COL24A1: variants seen among roughly 807,000 people sequenced by gnomAD.
COL24A1 encodes the protein collagen type XXIV alpha 1 chain, also known as collagen alpha-1(XXIV) chain.
COL24A1 carries 224 observed loss-of-function variants against 253.9 expected under a neutral mutation model. That is an observed-to-expected ratio of 0.88 (90% CI 0.79 to 0.99). The LOEUF (loss-of-function observed/expected upper bound fraction) is 0.99, where lower values mean the gene tolerates loss of function less well. Among genes scored for constraint, COL24A1 ranks in the 50% least tolerant of loss-of-function variants. The probability of loss-of-function intolerance (pLI) is 0.00; values close to 1 mark genes in which losing one functional copy is unlikely to be tolerated. For missense variants in COL24A1, 2,131 were observed against 2,068.5 expected (o/e 1.03, Z -0.59); for synonymous variants, 685 against 673.7 (o/e 1.02, Z -0.26).
chr1:85,861,501 T>G lies in COL24A1; in HGVS notation c.3300+7018A>C, dbSNP rs1337923071. Among the ~76,000 whole-genome samples, 5 of 152,230 alleles carry G rather than the reference T, an allele frequency of 3.3e-5. No individual in the cohort carries two copies. The South Asian group carries it at 1.0e-3, about 32-fold the overall frequency. On this transcript the variant is annotated intron_variant, in intron 37 of 59. Transcript: ENST00000370571. The stretch of plus-strand genomic sequence containing the variant: ...TTAGAAGACGTACTCCCATGTTTTC[T>G]TCTAAGACTTTTACAGTTTTAGCTC...
At chr1:86,112,718 C>G in intron 4 of COL24A1, 98 bp from the exon 5 acceptor site, 2 of 1,138,106 alleles carry the variant, frequency 1.8e-6, no homozygotes, top group Non-Finnish European at 2.5e-6. Flanking sequence ...TCCCTTTAAG[C>G]ACTTGAGTTT....
At chr1:86,006,665 G>A (rs521253) in intron 19 of COL24A1, among the ~76,000 whole-genome samples, 27,620 of 151,948 alleles carry the variant, frequency 0.18, 3,190 homozygotes, top group African/African-American at 0.32. Flanking sequence ...TAAAACTTCT[G>A]CCCTGCAGAA....
At chr1:85,864,221 TA>T (rs895786769) in intron 37 of COL24A1, among the ~76,000 whole-genome samples, 55 of 152,142 alleles carry the variant, frequency 3.6e-4, no homozygotes, top group African/African-American at 1.2e-3. Flanking sequence ...TATGCAGCCA[TA>T]AAAAAGGATG....
At chr1:85,790,136 T>G (rs1570626195) in intron 47 of COL24A1, among the ~76,000 whole-genome samples, 1 of 152,274 alleles carries the variant, frequency 6.6e-6, no homozygotes, top group Non-Finnish European at 1.5e-5. Context: ...TACCAGCCCC[T>G]CTTGGTATAC....
intron 1 of COL24A1, among the ~76,000 whole-genome samples, chr1:86,152,964 T>C (rs1229696291): frequency 6.6e-6 from 1 of 152,114 alleles, no homozygotes; most frequent in Non-Finnish European, 1.5e-5. Flanking sequence ...TTAAACATGG[T>C]TTAAAGGCCT....
At chr1:86,002,649 C>T (rs964294710) in intron 19 of COL24A1, among the ~76,000 whole-genome samples, 1 of 152,002 alleles carries the variant, frequency 6.6e-6, no homozygotes, top group African/African-American at 2.4e-5. Context: ...GCTGATTGAA[C>T]AAGATGAGCA....
At position 86,116,166 on chromosome 1, in the gene COL24A1, C is replaced by A. The variant is rs181415498; in HGVS notation, c.1492-788G>T. On this transcript the variant is annotated intron_variant, in intron 3 of 59. Transcript: ENST00000370571. ...ATATTCATTCATTCATCTGTTCATT[C>A]ATTCAATTGTTACTGAGCACTCTGT... Among the ~76,000 whole-genome samples the A allele has an allele frequency of 5.3e-5, 8 of 152,190 alleles. No individual in the cohort carries two copies. In the East Asian group the frequency reaches 1.5e-3, roughly 29 times the overall value.
intron 24 of COL24A1, among the ~76,000 whole-genome samples, chr1:85,955,382 A>T (rs1690337644): frequency 6.6e-6 from 1 of 152,360 alleles, no homozygotes; most frequent in African/African-American, 2.4e-5. Flanking sequence ...CCAGGGCAAG[A>T]ACCCGGGATA....
chr1:85,959,166 T>C (rs190630915), intron 24 of COL24A1, among the ~76,000 whole-genome samples: 28 of 152,288 alleles, frequency 1.8e-4, no homozygotes, highest in South Asian at 2.1e-4. Flanking sequence ...TTAGATGAAC[T>C]ATATTTCTAA....
intron 7 of COL24A1, among the ~76,000 whole-genome samples, chr1:86,084,462 A>G (rs1441543321): frequency 6.6e-6 from 1 of 152,148 alleles, no homozygotes; most frequent in East Asian, 1.9e-4. Context: ...GTTAGTCCCA[A>G]ATTTCTCACA....
intron 5 of COL24A1, among the ~76,000 whole-genome samples, chr1:86,108,155 A>T (rs1050809165): frequency 6.6e-6 from 1 of 152,188 alleles, no homozygotes; most frequent in Non-Finnish European, 1.5e-5. Flanking sequence ...AACAGTATTT[A>T]AAAACACTGT....
intron 12 of COL24A1, among the ~76,000 whole-genome samples, chr1:86,040,813 A>G (rs1442836400): frequency 6.6e-6 from 1 of 152,112 alleles, no homozygotes; most frequent in African/African-American, 2.4e-5. Context: ...CTTTTTCATA[A>G]TGTTCTAGCT....
At position 85,827,836 on chromosome 1, in the gene COL24A1, T is replaced by C. The variant is rs369842438; in HGVS notation, c.3682-4098A>G. Among the ~76,000 whole-genome samples the C allele has an allele frequency of 1.4e-4, 21 of 151,986 alleles. 1 individual carries two copies. Among genetic ancestry groups the C allele is most frequent in the East Asian group, 9.6e-4 (5 of 5,188 alleles). On this transcript the variant is annotated intron_variant, in intron 43 of 59. Coordinates refer to ENST00000370571, the MANE Select transcript of COL24A1 (RefSeq NM_152890.7). ...CTCTTTTCTTTATTAGTCTTGCTAGTGGTCTATCAATTTTGTTGATCCTTT... is the reference window on the plus strand; with the variant it reads ...CTCTTTTCTTTATTAGTCTTGCTAGCGGTCTATCAATTTTGTTGATCCTTT...
chr1:85,905,680 T>C (rs1358165331), intron 28 of COL24A1, among the ~76,000 whole-genome samples: 1 of 151,828 alleles, frequency 6.6e-6, no homozygotes, highest in Non-Finnish European at 1.5e-5. Flanking sequence ...CTTGGGGAGG[T>C]AGGAATTGAT....
intron 12 of COL24A1, among the ~76,000 whole-genome samples, chr1:86,042,004 AT>A: frequency 6.6e-6 from 1 of 152,234 alleles, no homozygotes; most frequent in Middle Eastern, 3.4e-3. Context: ...TCTAATATTA[AT>A]TAATAATAAG....
At chr1:86,013,241 A>G (rs1225985161) in intron 19 of COL24A1, among the ~76,000 whole-genome samples, 1 of 152,204 alleles carries the variant, frequency 6.6e-6, no homozygotes, top group Non-Finnish European at 1.5e-5. Flanking sequence ...AAGCTATCAT[A>G]GAAGTATATA....
chr1:86,125,340 A>T lies in COL24A1; in HGVS notation c.996T>A (p.Ile332=). 6.2e-7 allele frequency: 1 copy of T among 1,613,682 alleles called. No homozygotes were observed. Among genetic ancestry groups the T allele is most frequent in the Non-Finnish European group, 8.5e-7 (1 of 1,179,814 alleles). ...VSAVDLTNHG[I]QAKEMITEED... ...CCTCAGTGATCATTTCTTTGGCCTG[A>T]ATCCCATGGTTTGTGAGATCCACAG... Residue 332 remains isoleucine (I), a synonymous_variant, in exon 3 of 60, where the codon ATT becomes ATA. Transcript: ENST00000370571.
chr1:86,137,266 A>C (rs897726262), intron 2 of COL24A1, among the ~76,000 whole-genome samples: 1 of 152,138 alleles, frequency 6.6e-6, no homozygotes, highest in African/African-American at 2.4e-5. Flanking sequence ...ACCCAGCACT[A>C]TATTAGGTGC....
At chr1:85,893,325 A>G (rs749821706) in intron 31 of COL24A1, among the ~76,000 whole-genome samples, 39 of 152,168 alleles carry the variant, frequency 2.6e-4, no homozygotes, top group Admixed American at 1.4e-3. Flanking sequence ...GATCAGGAAG[A>G]CATAATAATT....
Sources: gnomAD v4.1 joint callset for allele counts (sites outside exome capture counted in the v4.1 genomes callset) on GRCh38, gnomAD v4.1.1 for gene constraint, MANE v1.5 for transcripts, NCBI Gene and HGNC (gene_info 2026-07-23, HGNC 2026-07-21) for gene names.